Variants in MACROD2 observed in about 807,000 individuals in gnomAD.
MACROD2 encodes the protein mono-ADP ribosylhydrolase 2.
MACROD2 carries 36 observed loss-of-function variants against 70.4 expected under a neutral mutation model. The observed-to-expected ratio is 0.51, with a 90% CI of 0.39 to 0.68. The LOEUF (loss-of-function observed/expected upper bound fraction) is 0.68. MACROD2 is among the 30% of genes least tolerant of loss of function. MACROD2 has a pLI of 0.00. For synonymous variants in MACROD2, 172 were observed against 178.8 expected, an observed-to-expected ratio of 0.96 and a Z score of 0.30; for missense variants, 496 against 538.4, an observed-to-expected ratio of 0.92 and a Z score of 0.78.
intron 5 of MACROD2, chr20:15,022,950 C>T (rs1283667081): frequency 6.6e-6 from 1 of 152,054 alleles, no homozygotes; most frequent in Non-Finnish European, 1.5e-5. Context: ...TGAAGCATTC[C>T]ATAAAAAATT....
chr20:15,455,551 A>G (rs953920386), intron 7 of MACROD2, among the ~76,000 whole-genome samples: 4 of 152,164 alleles, frequency 2.6e-5, no homozygotes, highest in African/African-American at 4.8e-5. Flanking sequence ...AAAACCTACA[A>G]TGCAATCCTT....
At chr20:15,689,987 C>A (rs1268760178) in intron 8 of MACROD2, among the ~76,000 whole-genome samples, 1 of 152,206 alleles carries the variant, frequency 6.6e-6, no homozygotes, top group Non-Finnish European at 1.5e-5. Context: ...CTGTGAGAAT[C>A]AGCTCGAGCT....
intron 10 of MACROD2, among the ~76,000 whole-genome samples, 167 bp from the exon 11 acceptor site, chr20:15,933,109 T>G (rs1365251305): frequency 6.6e-6 from 1 of 152,226 alleles, no homozygotes; most frequent in African/African-American, 2.4e-5. Context: ...CACTTATTTA[T>G]GTAGGTAATT....
chr20:15,986,560 A>G (rs1392205559), intron 13 of MACROD2, among the ~76,000 whole-genome samples, 167 bp from the exon 14 acceptor site: 3 of 152,202 alleles, frequency 2.0e-5, no homozygotes, highest in Non-Finnish European at 4.4e-5. Context: ...CTCAGAAAAT[A>G]ATTGATATAA....
intron 4 of MACROD2, among the ~76,000 whole-genome samples, chr20:14,677,800 A>G (rs998225790): frequency 2.0e-5 from 3 of 152,112 alleles, no homozygotes; most frequent in Non-Finnish European, 4.4e-5. Flanking sequence ...GGCTTTGGGT[A>G]CTCACCGAGT....
intron 9 of MACROD2, among the ~76,000 whole-genome samples, chr20:15,872,917 T>C (rs1183642438): frequency 6.6e-6 from 1 of 152,182 alleles, no homozygotes; most frequent in Non-Finnish European, 1.5e-5. Context: ...ACATAAATCA[T>C]GAACATTTTT....
chr20:15,914,617 T>C (rs1679862174), intron 10 of MACROD2, among the ~76,000 whole-genome samples: 1 of 152,218 alleles, frequency 6.6e-6, no homozygotes, highest in African/African-American at 2.4e-5. Flanking sequence ...CTCATAATAC[T>C]TCTAACATCA....
At chr20:14,032,362 T>G (rs2053255838) in intron 2 of MACROD2, among the ~76,000 whole-genome samples, 2 of 152,160 alleles carry the variant, frequency 1.3e-5, no homozygotes, top group South Asian at 4.1e-4. Context: ...ATTTAACACT[T>G]AAGTAAAACT....
At chr20:15,266,926 G>T (rs960329093) in intron 6 of MACROD2, among the ~76,000 whole-genome samples, 16 of 152,230 alleles carry the variant, frequency 1.1e-4, no homozygotes, top group Non-Finnish European at 1.6e-4. Context: ...GAGGGCAGGG[G>T]CGCGGGGGGC....
intron 16 of MACROD2, 26 bp from the exon 17 acceptor site, chr20:16,044,545 A>T (rs370532736): frequency 6.5e-7 from 1 of 1,534,260 alleles, no homozygotes; most frequent in South Asian, 1.1e-5. Context: ...ATGAATATTT[A>T]ACTTTTTTTT....
chr20:15,517,776 C>A (rs188573870), intron 8 of MACROD2, among the ~76,000 whole-genome samples: 1 of 152,128 alleles, frequency 6.6e-6, no homozygotes, highest in Non-Finnish European at 1.5e-5. Flanking sequence ...CTCACTCTTT[C>A]CTGGCCCCTC....
intron 8 of MACROD2, among the ~76,000 whole-genome samples, chr20:15,781,833 A>G (rs554769182): frequency 1.3e-5 from 2 of 152,098 alleles, no homozygotes; most frequent in Non-Finnish European, 1.5e-5. Flanking sequence ...ATCCTGGTGG[A>G]ATTAATGGGG....
rs144876722 is a variant in MACROD2 at position 15,500,736 on chromosome 20, G to T, written c.645+889G>T. Among the ~76,000 whole-genome samples the T allele has an allele frequency of 4.6e-5, 7 of 152,260 alleles. 1 individual carries two copies. The East Asian group carries it at 1.4e-3, about 29-fold the overall frequency. On this transcript the variant is annotated intron_variant, in intron 8 of 17. Transcript: ENST00000684519. ...GGGGTTTTCAAATGAGAAAGCACTT[G>T]GTACTTTTGTGTGTTTGAAGAAACA...
intron 5 of MACROD2, among the ~76,000 whole-genome samples, chr20:15,212,353 A>G (rs558394060): frequency 6.6e-6 from 1 of 152,180 alleles, no homozygotes; most frequent in South Asian, 2.1e-4. Context: ...AATTATTTCA[A>G]CTAATGTCTC....
At chr20:15,811,800 A>G (rs111291375) in intron 8 of MACROD2, among the ~76,000 whole-genome samples, 3 of 152,182 alleles carry the variant, frequency 2.0e-5, no homozygotes, top group African/African-American at 7.2e-5. Context: ...TCTGAAGGAT[A>G]TAGTACGTCA....
At chr20:14,688,405 G>A (rs1444364208) in intron 5 of MACROD2, among the ~76,000 whole-genome samples, 3 of 152,090 alleles carry the variant, frequency 2.0e-5, no homozygotes, top group African/African-American at 7.2e-5. Context: ...TCTGTGTTCT[G>A]TGACTCATCA....
intron 3 of MACROD2, among the ~76,000 whole-genome samples, chr20:14,376,277 C>T (rs2083369688): frequency 6.6e-6 from 1 of 152,032 alleles, no homozygotes; most frequent in Admixed American, 6.6e-5. Context: ...TTTCAATTTA[C>T]ACCTTTACAC....
chr20:14,305,006 G>A (rs765473264), intron 3 of MACROD2, among the ~76,000 whole-genome samples: 4 of 152,106 alleles, frequency 2.6e-5, no homozygotes, highest in Admixed American at 6.6e-5. Context: ...CTTTAAAACA[G>A]CTCTGATGCT....
At chr20:14,509,909 A>G (rs541773111) in intron 4 of MACROD2, among the ~76,000 whole-genome samples, 1 of 152,064 alleles carries the variant, frequency 6.6e-6, no homozygotes, top group African/African-American at 2.4e-5. Flanking sequence ...TGATACAGTG[A>G]AGTAAAGGTA....
Sources: allele counts gnomAD v4.1 joint callset (sites outside exome capture counted in the v4.1 genomes callset), GRCh38; gene constraint gnomAD v4.1.1; transcripts MANE v1.5; gene names NCBI Gene and HGNC (gene_info 2026-07-23, HGNC 2026-07-21).